The following ZNF644 variants were observed in gnomAD, a reference collection of about 807,000 sequenced individuals.
ZNF644 encodes zinc finger protein 644.
In ZNF644, 20 loss-of-function variants were observed where a neutral mutation model predicts 108.0. The ratio of observed to expected loss-of-function variants is 0.19; its 90% confidence interval spans 0.13 to 0.27. The LOEUF is 0.27. Ranked by LOEUF, ZNF644 falls within the 10% of genes least tolerant of loss-of-function variation. ZNF644 has a pLI of 1.00. For synonymous variants in ZNF644, 542 were observed against 539.1 expected, an observed-to-expected ratio of 1.01 and a Z score of -0.08; for missense variants, 1,338 against 1,548.9, an observed-to-expected ratio of 0.86 and a Z score of 2.29.
chr1:90,973,843 G>A (rs1184411140), intron 2 of ZNF644, among the ~76,000 whole-genome samples: 1 of 152,104 alleles, frequency 6.6e-6, no homozygotes, highest in East Asian at 1.9e-4. Context: ...TCAAGAGAAA[G>A]TGACTTCCTA....
At chr1:90,989,447 G>A (rs1657424185) in intron 1 of ZNF644, among the ~76,000 whole-genome samples, 1 of 152,206 alleles carries the variant, frequency 6.6e-6, no homozygotes, top group African/African-American at 2.4e-5. Flanking sequence ...AGAGGCTGAG[G>A]TGGGAGGATC....
At chr1:91,017,133 T>C (rs896297965) in intron 1 of ZNF644, among the ~76,000 whole-genome samples, 10 of 152,124 alleles carry the variant, frequency 6.6e-5, no homozygotes, top group Admixed American at 5.2e-4. Context: ...ACACCCGGCC[T>C]ATATAAAGTA....
At chr1:90,934,789 A>G (rs1651137979) in intron 4 of ZNF644, among the ~76,000 whole-genome samples, 1 of 152,222 alleles carries the variant, frequency 6.6e-6, no homozygotes, top group Non-Finnish European at 1.5e-5. Context: ...TCACCCCTTC[A>G]AAGATCTAAT....
At chr1:91,003,136 A>C (rs1381543187) in intron 1 of ZNF644, among the ~76,000 whole-genome samples, 1 of 152,204 alleles carries the variant, frequency 6.6e-6, no homozygotes, top group Non-Finnish European at 1.5e-5. Flanking sequence ...TTCCTCAAGG[A>C]TCTAGAACTA....
intron 2 of ZNF644, among the ~76,000 whole-genome samples, chr1:90,944,035 AT>A (rs1283521484): frequency 9.2e-5 from 14 of 152,212 alleles, no homozygotes; most frequent in African/African-American, 3.4e-4. Flanking sequence ...TTGAAAGCCT[AT>A]ATTAGTTTTT....
At chr1:90,925,422 A>G (rs1649917308) in intron 4 of ZNF644, among the ~76,000 whole-genome samples, 1 of 152,144 alleles carries the variant, frequency 6.6e-6, no homozygotes, top group Non-Finnish European at 1.5e-5. Context: ...GTGTATATCC[A>G]GGGCAACTTG....
rs79745702 is a variant in ZNF644 at position 90,996,017 on chromosome 1, C to G, written c.-17-13647G>C. Reference sequence around the variant, plus strand: ...TGTTACAGTAGCCCAAACTAAGACACAGACACATAAATACTGCACACATTC... The same window carrying G: ...TGTTACAGTAGCCCAAACTAAGACAGAGACACATAAATACTGCACACATTC... On this transcript the variant is annotated intron_variant, in intron 1 of 5. Transcript: ENST00000337393. Among the ~76,000 whole-genome samples, 375 of 152,252 alleles carry G rather than the reference C, an allele frequency of 2.5e-3. 3 individuals are homozygous for G. Among genetic ancestry groups the G allele is most frequent in the African/African-American group, 8.7e-3 (360 of 41,540 alleles).
intron 4 of ZNF644, among the ~76,000 whole-genome samples, chr1:90,926,669 C>T (rs558306408): frequency 6.6e-6 from 1 of 152,226 alleles, no homozygotes; most frequent in South Asian, 2.1e-4. Flanking sequence ...GTATAACCAT[C>T]CTCCTCCCAC....
intron 4 of ZNF644, among the ~76,000 whole-genome samples, chr1:90,925,074 G>A (rs1003023690): frequency 2.0e-5 from 3 of 152,128 alleles, no homozygotes; most frequent in Non-Finnish European, 4.4e-5. Context: ...ATTACAAACC[G>A]CATTCAAGAA....
At chr1:90,982,121 T>C (rs371238759) in intron 2 of ZNF644, among the ~76,000 whole-genome samples, 189 bp downstream of exon 2, 9 of 152,202 alleles carry the variant, frequency 5.9e-5, no homozygotes, top group African/African-American at 1.9e-4. Context: ...AGTTCCACAA[T>C]GTGATAGTTA....
At chr1:90,997,445 A>C (rs1373414741) in intron 1 of ZNF644, among the ~76,000 whole-genome samples, 5 of 152,222 alleles carry the variant, frequency 3.3e-5, no homozygotes, top group Admixed American at 1.3e-4. Context: ...AGTTTCAAAA[A>C]AAAAATCACT....
intron 1 of ZNF644, among the ~76,000 whole-genome samples, chr1:91,011,771 C>T (rs1454556496): frequency 1.3e-5 from 2 of 152,100 alleles, no homozygotes; most frequent in Admixed American, 6.6e-5. Context: ...AAAAAGTACA[C>T]CTATTTATTC....
intron 2 of ZNF644, among the ~76,000 whole-genome samples, chr1:90,971,457 G>C (rs1191208530): frequency 6.6e-6 from 1 of 151,942 alleles, no homozygotes; most frequent in African/African-American, 2.4e-5. Context: ...GTCTCACTAT[G>C]TCACCCAGGC....
At chr1:91,019,235 TTA>T (rs982534634) in intron 1 of ZNF644, among the ~76,000 whole-genome samples, 18 of 152,312 alleles carry the variant, frequency 1.2e-4, no homozygotes, top group African/African-American at 4.3e-4. Flanking sequence ...AAAAGTTGTT[TTA>T]AAGAAAGGGA....
chr1:90,954,087 TTAAAA>T (rs1159120758), intron 2 of ZNF644, among the ~76,000 whole-genome samples: 3 of 152,176 alleles, frequency 2.0e-5, no homozygotes, highest in Non-Finnish European at 2.9e-5. Context: ...TGGCAACTTC[TTAAAA>T]TAAGACAGCA....
intron 1 of ZNF644, among the ~76,000 whole-genome samples, chr1:91,018,770 A>G (rs893113621): frequency 6.6e-6 from 1 of 152,238 alleles, no homozygotes; most frequent in Non-Finnish European, 1.5e-5. Context: ...ACCTTTCTCT[A>G]GATTGCAGAT....
At chr1:90,977,042 T>TA (rs759547744) in intron 2 of ZNF644, among the ~76,000 whole-genome samples, 2,277 of 144,924 alleles carry the variant, frequency 0.016, 48 homozygotes, top group African/African-American at 0.05. Flanking sequence ...ATTAAATACT[T>TA]AAAAAAAAAA....
chr1:90,922,087 T>C (rs545977688), intron 4 of ZNF644, among the ~76,000 whole-genome samples: 2 of 152,288 alleles, frequency 1.3e-5, no homozygotes, highest in East Asian at 3.9e-4. Context: ...CTTCAATGAG[T>C]TTCATTTTCT....
chr1:90,956,704 T>C (rs1382715729), intron 2 of ZNF644, among the ~76,000 whole-genome samples: 1 of 152,104 alleles, frequency 6.6e-6, no homozygotes, highest in African/African-American at 2.4e-5. Flanking sequence ...ATCTTTAGAA[T>C]AAAGATAAGA....
Sources: allele counts gnomAD v4.1 joint callset (sites outside exome capture counted in the v4.1 genomes callset), GRCh38; gene constraint gnomAD v4.1.1; transcripts MANE v1.5; gene names NCBI Gene and HGNC (gene_info 2026-07-23, HGNC 2026-07-21).